Variants in ANKS1B observed in about 807,000 individuals in gnomAD.
The protein encoded by ANKS1B is ankyrin repeat and sterile alpha motif domain containing 1B, also known as ankyrin repeat and sterile alpha motif domain-containing protein 1B.
ANKS1B carries 36 observed loss-of-function variants against 148.3 expected under a neutral mutation model. That is an observed-to-expected ratio of 0.24 (90% CI 0.19 to 0.32). ANKS1B has a LOEUF of 0.32. Among genes scored for constraint, ANKS1B ranks in the 10% least tolerant of loss-of-function variants. The pLI is 1.00. For synonymous variants in ANKS1B, 542 were observed against 560.8 expected, an observed-to-expected ratio of 0.97 and a Z score of 0.47; for missense variants, 1,157 against 1,542.6, an observed-to-expected ratio of 0.75 and a Z score of 4.19.
intron 8 of ANKS1B, among the ~76,000 whole-genome samples, chr12:99,768,765 G>A (rs1006897531): frequency 3.4e-5 from 5 of 148,036 alleles, no homozygotes; most frequent in Non-Finnish European, 7.4e-5. Context: ...GGCGGAGGTT[G>A]CAGTGAGCCG....
At chr12:99,185,883 C>T (rs1016613061) in intron 14 of ANKS1B, among the ~76,000 whole-genome samples, 4 of 152,122 alleles carry the variant, frequency 2.6e-5, no homozygotes, top group African/African-American at 9.7e-5. Flanking sequence ...GGAACACCAG[C>T]GAGACAGAAC....
At chr12:99,629,281 A>G (rs1442673835) in intron 9 of ANKS1B, among the ~76,000 whole-genome samples, 2 of 152,192 alleles carry the variant, frequency 1.3e-5, no homozygotes, top group Non-Finnish European at 2.9e-5. Context: ...TGTTGGCTGA[A>G]AAACTGTAGC....
chr12:99,836,264 G>A (rs531865728), intron 1 of ANKS1B, among the ~76,000 whole-genome samples: 1 of 151,920 alleles, frequency 6.6e-6, no homozygotes, highest in Admixed American at 6.6e-5. Context: ...GCAAACGTTG[G>A]CTTTGTAGTA....
chr12:99,879,819 C>CT (rs2092365547), intron 1 of ANKS1B, among the ~76,000 whole-genome samples: 1 of 152,138 alleles, frequency 6.6e-6, no homozygotes, highest in African/African-American at 2.4e-5. Flanking sequence ...AGGTAAGTCT[C>CT]TAATTATGAA....
intron 17 of ANKS1B, among the ~76,000 whole-genome samples, chr12:98,934,656 G>A (rs1454975167): frequency 6.6e-6 from 1 of 151,652 alleles, no homozygotes; most frequent in Non-Finnish European, 1.5e-5. Context: ...ACTATATTTT[G>A]TAGTTTTCAG....
At chr12:99,255,178 T>C (rs1321483709) in intron 12 of ANKS1B, among the ~76,000 whole-genome samples, 1 of 152,178 alleles carries the variant, frequency 6.6e-6, no homozygotes, top group African/African-American at 2.4e-5. Flanking sequence ...TTATTTAGTA[T>C]AGAACTATCT....
chr12:99,668,871 C>T (rs1179269947), intron 8 of ANKS1B, among the ~76,000 whole-genome samples: 1 of 151,888 alleles, frequency 6.6e-6, no homozygotes, highest in Non-Finnish European at 1.5e-5. Flanking sequence ...CTTTCATTTG[C>T]AATATTTTCC....
At chr12:98,841,760 A>AG (rs1173347530) in intron 17 of ANKS1B, among the ~76,000 whole-genome samples, 1 of 152,142 alleles carries the variant, frequency 6.6e-6, no homozygotes, top group Non-Finnish European at 1.5e-5. Flanking sequence ...GGAAAAAAAA[A>AG]GGGGTAACAA....
At chr12:99,154,441 C>A (rs2075711859) in intron 14 of ANKS1B, 46 bp from the exon 15 acceptor site, 1 of 1,613,460 alleles carries the variant, frequency 6.2e-7, no homozygotes, top group Admixed American at 1.7e-5. Context: ...GAGTAGCCGT[C>A]CACGGGGTAA....
intron 15 of ANKS1B, among the ~76,000 whole-genome samples, chr12:99,114,174 T>C (rs1485171197): frequency 6.6e-6 from 1 of 152,240 alleles, no homozygotes; most frequent in African/African-American, 2.4e-5. Context: ...AGTTAAATCA[T>C]ACAGATTCTC....
intron 10 of ANKS1B, among the ~76,000 whole-genome samples, chr12:99,473,621 C>A (rs559751640): frequency 4.6e-5 from 7 of 152,070 alleles, no homozygotes; most frequent in Non-Finnish European, 7.4e-5. Context: ...TGTTTTCTGT[C>A]TTTCTAGTAG....
At chr12:99,928,266 A>ATT (rs1355468782) in intron 1 of ANKS1B, among the ~76,000 whole-genome samples, 283 of 80,980 alleles carry the variant, frequency 3.5e-3, no homozygotes, top group African/African-American at 0.017. Flanking sequence ...ATTTTATTTT[A>ATT]TTTTATTTTT....
rs558467249 is a variant in ANKS1B, at chr12:99,847,873, C to A, written c.135-22484G>T. 2.6e-5 allele frequency among the ~76,000 whole-genome samples: 4 copies of A among 152,214 alleles called. No individual in the cohort carries two copies. In the East Asian group the frequency reaches 7.7e-4, roughly 29 times the overall value. ...CCGACAAATTCAGTCCATGGTTGAA[C>A]TTTCCCTTTGCTTGACCTACCCCAA... On this transcript the variant is annotated intron_variant, in intron 1 of 26. Transcript: ENST00000683438.
chr12:99,889,173 T>G (rs1447738253), intron 1 of ANKS1B, among the ~76,000 whole-genome samples: 2 of 152,174 alleles, frequency 1.3e-5, no homozygotes, highest in Non-Finnish European at 2.9e-5. Context: ...GCACTATTAC[T>G]CCGTACCAAG....
downstream of ANKS1B, among the ~76,000 whole-genome samples, chr12:98,739,647 C>T (rs953657556): frequency 3.3e-5 from 5 of 152,006 alleles, no homozygotes; most frequent in African/African-American, 4.8e-5. Flanking sequence ...TTGCATCTCC[C>T]CCCTTCTCCT....
At chr12:99,411,276 T>A (rs1177512277) in intron 11 of ANKS1B, among the ~76,000 whole-genome samples, 1 of 152,208 alleles carries the variant, frequency 6.6e-6, no homozygotes, top group Non-Finnish European at 1.5e-5. Context: ...AATGTTTAGG[T>A]CCCACTTATT....
At chr12:99,741,802 T>C (rs1457705952) in intron 8 of ANKS1B, among the ~76,000 whole-genome samples, 1 of 151,848 alleles carries the variant, frequency 6.6e-6, no homozygotes, top group Non-Finnish European at 1.5e-5. Flanking sequence ...AGATGAGAGA[T>C]TGATGGGTGC....
chr12:99,171,951 G>C (rs948166342), intron 14 of ANKS1B, among the ~76,000 whole-genome samples: 12 of 152,044 alleles, frequency 7.9e-5, no homozygotes, highest in African/African-American at 2.7e-4. Context: ...CATAAAGAAT[G>C]ATCAGTATTA....
chr12:99,850,980 T>C (rs2087732221), intron 1 of ANKS1B, among the ~76,000 whole-genome samples: 1 of 152,126 alleles, frequency 6.6e-6, no homozygotes, highest in African/African-American at 2.4e-5. Flanking sequence ...ACCATAAAAA[T>C]CTGCACTAAT....
Sources: allele counts gnomAD v4.1 joint callset (sites outside exome capture counted in the v4.1 genomes callset), GRCh38; gene constraint gnomAD v4.1.1; transcripts MANE v1.5; gene names NCBI Gene and HGNC (gene_info 2026-07-23, HGNC 2026-07-21).